POLR3B: variants seen among roughly 807,000 people sequenced by gnomAD.
The protein encoded by POLR3B is DNA-directed RNA polymerase III subunit RPC2.
Under a neutral mutation model 147.4 loss-of-function variants are expected in POLR3B, and 96 were observed. The observed-to-expected ratio is 0.65, with a 90% CI of 0.55 to 0.77. The LOEUF is 0.77. Ranked by LOEUF, POLR3B falls within the 30% of genes least tolerant of loss-of-function variation. The probability of loss-of-function intolerance (pLI) is 0.00; values close to 1 mark genes in which losing one functional copy is unlikely to be tolerated. For missense variants in POLR3B, 1,036 were observed against 1,413.5 expected (o/e 0.73, Z 4.28); for synonymous variants, 461 against 485.9 (o/e 0.95, Z 0.67).
chr12:106,377,893 G>A (rs1284381721), intron 7 of POLR3B, among the ~76,000 whole-genome samples: 4 of 152,108 alleles, frequency 2.6e-5, no homozygotes, highest in Non-Finnish European at 5.9e-5. Flanking sequence ...CAGGGAGTCA[G>A]CCTGAGAAGC....
At chr12:106,393,832 C>T (rs2036947993) in intron 10 of POLR3B, among the ~76,000 whole-genome samples, 1 of 151,760 alleles carries the variant, frequency 6.6e-6, no homozygotes, top group African/African-American at 2.4e-5. Flanking sequence ...TTGCACTTCC[C>T]TTCCCACATG....
At chr12:106,448,427 C>CTTTTTT (rs869133588) in intron 19 of POLR3B, among the ~76,000 whole-genome samples, 612 of 50,638 alleles carry the variant, frequency 0.012, 13 homozygotes, top group Non-Finnish European at 0.017. Flanking sequence ...TACGTTATTT[C>CTTTTTT]TTTTTTTTTT....
In POLR3B at chr12:106,457,920, C is replaced by G. The variant is rs1037037571; in HGVS notation, c.2452+624C>G. On this transcript the variant is annotated intron_variant, in intron 21 of 27. Transcript: ENST00000228347. ...GGAAGAGTTAACTAAAGAAGAGGAT[C>G]AGGGAGCATGTTCTAAGTAATGAGA... Among the ~76,000 whole-genome samples, 5 of 152,070 alleles carry G rather than the reference C, an allele frequency of 3.3e-5. No homozygotes were observed. The East Asian group carries it at 5.8e-4, about 18-fold the overall frequency.
chr12:106,423,702 G>A (rs897748449), intron 12 of POLR3B, among the ~76,000 whole-genome samples: 1 of 152,064 alleles, frequency 6.6e-6, no homozygotes, highest in African/African-American at 2.4e-5. Flanking sequence ...GGTTGAGGGC[G>A]GATCTTCCTT....
chr12:106,493,338 TAAGAA>T (rs2038430651), intron 23 of POLR3B, among the ~76,000 whole-genome samples: 1 of 152,154 alleles, frequency 6.6e-6, no homozygotes, highest in African/African-American at 2.4e-5. Context: ...CATTTGAAAA[TAAGAA>T]AAGAAACCTT....
At chr12:106,424,040 A>G (rs1487443427) in intron 12 of POLR3B, among the ~76,000 whole-genome samples, 2 of 152,000 alleles carry the variant, frequency 1.3e-5, no homozygotes, top group East Asian at 1.9e-4. Flanking sequence ...TATTTTTAGT[A>G]GAGATGGGGT....
chr12:106,443,234 C>G (rs1274991351), intron 18 of POLR3B, among the ~76,000 whole-genome samples: 6 of 152,106 alleles, frequency 3.9e-5, no homozygotes, highest in African/African-American at 1.2e-4. Flanking sequence ...GCTTACAGCA[C>G]ATTTCAACTT....
chr12:106,399,897 CTGT>C (rs2037037950), intron 10 of POLR3B, among the ~76,000 whole-genome samples: 1 of 152,212 alleles, frequency 6.6e-6, no homozygotes, highest in Non-Finnish European at 1.5e-5. Context: ...ATTGTAAAGA[CTGT>C]CAAGGCTAGG....
intron 23 of POLR3B, among the ~76,000 whole-genome samples, chr12:106,483,610 T>C (rs969736865): frequency 2.0e-5 from 3 of 152,230 alleles, no homozygotes; most frequent in African/African-American, 7.2e-5. Flanking sequence ...TCTAAATCCA[T>C]CTTCTAGTAT....
intron 11 of POLR3B, among the ~76,000 whole-genome samples, chr12:106,409,046 ACC>A (rs2037186515): frequency 6.6e-6 from 1 of 152,158 alleles, no homozygotes; most frequent in African/African-American, 2.4e-5. Flanking sequence ...AGAATCTACT[ACC>A]AGTGTTTATG....
intron 11 of POLR3B, among the ~76,000 whole-genome samples, chr12:106,408,807 A>G (rs1217722058): frequency 6.6e-6 from 1 of 152,200 alleles, no homozygotes; most frequent in Non-Finnish European, 1.5e-5. Context: ...CCCACTCACC[A>G]TATGACTCTG....
At chr12:106,476,888 C>T (rs2137052090) in intron 23 of POLR3B, among the ~76,000 whole-genome samples, 1 of 152,094 alleles carries the variant, frequency 6.6e-6, no homozygotes, top group African/African-American at 2.4e-5. Flanking sequence ...ATTCTCCATC[C>T]AGCTTTGTTC....
rs1167736483 is a variant in POLR3B at position 106,363,819 on chromosome 12, A to G, written c.73-51A>G. 21 of 1,363,120 alleles carry G rather than the reference A, an allele frequency of 1.5e-5. No individual in the cohort carries two copies. The East Asian group carries it at 4.4e-4, about 28-fold the overall frequency. 84.4% of individuals were successfully genotyped at this position (1,363,120 alleles called of 1,614,324 possible). A position where few individuals can be genotyped will look rare whatever the true frequency, so the allele number is the denominator to read the frequency against. ...TTGGAACATTAAAATAACTTATGAA[A>G]GTACTGTTGCTGGTACAGAGTTCTG... is the stretch of plus-strand genomic sequence containing the variant. On this transcript the variant is annotated intron_variant, in intron 1 of 27. Transcript: ENST00000228347.
chr12:106,498,305 C>A (rs548934446), intron 25 of POLR3B, among the ~76,000 whole-genome samples: 4 of 152,166 alleles, frequency 2.6e-5, no homozygotes, highest in Admixed American at 1.3e-4. Flanking sequence ...GAGGCAGTAC[C>A]GGCAGCCCGA....
Position 106,436,207 on chromosome 12 carries a change from T to C in POLR3B, c.1782-850T>C, listed in dbSNP as rs1004211834. On this transcript the variant is annotated intron_variant, in intron 16 of 27. Coordinates refer to ENST00000228347, the MANE Select transcript of POLR3B (RefSeq NM_018082.6). ...AGTCCTCAAATAGTTATTTGGACTT[T>C]AGGGTAGAGCGCACAAGTGTCTGGT... is the stretch of plus-strand genomic sequence containing the variant. 7.2e-5 allele frequency among the ~76,000 whole-genome samples: 11 copies of C among 152,206 alleles called. No homozygotes were observed. In the East Asian group the frequency reaches 1.7e-3, roughly 24 times the overall value.
chr12:106,493,341 GA>G (rs2038430687), intron 23 of POLR3B, among the ~76,000 whole-genome samples: 1 of 152,158 alleles, frequency 6.6e-6, no homozygotes, highest in Non-Finnish European at 1.5e-5. Context: ...TTGAAAATAA[GA>G]AAAGAAACCT....
At chr12:106,385,784 G>A (rs2036827740) in intron 9 of POLR3B, among the ~76,000 whole-genome samples, 1 of 152,120 alleles carries the variant, frequency 6.6e-6, no homozygotes, top group African/African-American at 2.4e-5. Context: ...AAACTTTTAG[G>A]AAATTTTAAA....
At chr12:106,486,485 A>G (rs529817326) in intron 23 of POLR3B, among the ~76,000 whole-genome samples, 1 of 151,932 alleles carries the variant, frequency 6.6e-6, no homozygotes, top group Non-Finnish European at 1.5e-5. Flanking sequence ...TGCTCCTGAG[A>G]TTGCCATATT....
At chr12:106,453,459 A>C (rs570803247) in intron 19 of POLR3B, among the ~76,000 whole-genome samples, 1 of 151,548 alleles carries the variant, frequency 6.6e-6, no homozygotes, top group South Asian at 2.1e-4. Flanking sequence ...GGTACTTCGG[A>C]GTGTGTGTGT....
Sources: allele counts gnomAD v4.1 joint callset (sites outside exome capture counted in the v4.1 genomes callset), GRCh38; gene constraint gnomAD v4.1.1; transcripts MANE v1.5; gene names NCBI Gene and HGNC (gene_info 2026-07-23, HGNC 2026-07-21).